DKK2: variants seen among roughly 807,000 people sequenced by gnomAD.
DKK2 encodes the protein dickkopf Wnt signaling pathway inhibitor 2.
In DKK2, 11 loss-of-function variants were observed where a neutral mutation model predicts 28.1. The observed-to-expected ratio is 0.39, with a 90% CI of 0.25 to 0.65. The LOEUF (loss-of-function observed/expected upper bound fraction) is 0.65, where lower values mean the gene tolerates loss of function less well. DKK2 is among the 30% of genes least tolerant of loss of function. The pLI, the probability that DKK2 is intolerant of heterozygous loss-of-function variation, is 0.47. For synonymous variants in DKK2, 135 were observed against 126.5 expected, an observed-to-expected ratio of 1.07 and a Z score of -0.45; for missense variants, 326 against 335.5, an observed-to-expected ratio of 0.97 and a Z score of 0.22.
In DKK2 at chr4:106,972,196, C is replaced by T. The variant is rs77291355; in HGVS notation, c.223-46247G>A. On this transcript the variant is annotated intron_variant, in intron 1 of 3. Coordinates refer to ENST00000285311, the MANE Select transcript of DKK2 (RefSeq NM_014421.3). ...TAGAGAATTATGTGCCATCTACCCC[C>T]GCCTCACCACTTCTCCTCCCCACCC... 2.7e-3 allele frequency among the ~76,000 whole-genome samples: 413 copies of T among 151,988 alleles called. 4 individuals carry two copies. Among genetic ancestry groups the T allele is most frequent in the African/African-American group, 9.6e-3 (399 of 41,498 alleles).
chr4:106,932,552 G>C (rs370376565), intron 1 of DKK2, among the ~76,000 whole-genome samples: 111 of 152,198 alleles, frequency 7.3e-4, no homozygotes, highest in Middle Eastern at 6.8e-3. Flanking sequence ...TCTAAACTAC[G>C]AGGTTTACCT....
At chr4:107,006,478 A>G (rs763001661) in intron 1 of DKK2, among the ~76,000 whole-genome samples, 9 of 152,254 alleles carry the variant, frequency 5.9e-5, no homozygotes, top group Non-Finnish European at 1.2e-4. Flanking sequence ...TCAGAAAACA[A>G]TCTTTTAGTA....
intron 1 of DKK2, among the ~76,000 whole-genome samples, chr4:106,957,455 T>A (rs967838752): frequency 5.9e-5 from 9 of 151,986 alleles, no homozygotes; most frequent in African/African-American, 2.2e-4. Context: ...CAGGCACACG[T>A]ATGTTTATTG....
chr4:106,936,014 G>GA (rs942941408), intron 1 of DKK2, among the ~76,000 whole-genome samples: 1 of 151,954 alleles, frequency 6.6e-6, no homozygotes, highest in Non-Finnish European at 1.5e-5. Flanking sequence ...CAAAGATGGG[G>GA]AAAAAACAGA....
chr4:106,996,668 G>A (rs1308330832), intron 1 of DKK2, among the ~76,000 whole-genome samples: 1 of 152,106 alleles, frequency 6.6e-6, no homozygotes, highest in Admixed American at 6.5e-5. Flanking sequence ...GCAGGATGAG[G>A]AAAAACAGCT....
chr4:106,993,134 CATAAA>C (rs936394169), intron 1 of DKK2, among the ~76,000 whole-genome samples: 4 of 152,230 alleles, frequency 2.6e-5, no homozygotes, highest in Admixed American at 6.5e-5. Flanking sequence ...AATTAAACAG[CATAAA>C]ATAACTGTTC....
intron 1 of DKK2, among the ~76,000 whole-genome samples, chr4:106,968,013 T>C (rs189551224): frequency 5.7e-4 from 70 of 123,836 alleles, no homozygotes; most frequent in Non-Finnish European, 9.1e-4. Flanking sequence ...GATGGAGAGA[T>C]GAAGGCAGGA....
chr4:106,998,700 T>C (rs1045702164), intron 1 of DKK2, among the ~76,000 whole-genome samples: 3 of 152,312 alleles, frequency 2.0e-5, no homozygotes, highest in Middle Eastern at 3.4e-3. Context: ...TGAATAGCTA[T>C]AGTTATTCAG....
At chr4:107,014,672 A>G (rs1723566187) in intron 1 of DKK2, among the ~76,000 whole-genome samples, 1 of 151,670 alleles carries the variant, frequency 6.6e-6, no homozygotes, top group Non-Finnish European at 1.5e-5. Flanking sequence ...ATAAATGATA[A>G]AAGTTTGAGG....
intron 1 of DKK2, among the ~76,000 whole-genome samples, chr4:106,942,816 T>C (rs1724720831): frequency 1.3e-5 from 2 of 152,128 alleles, no homozygotes; most frequent in South Asian, 4.1e-4. Flanking sequence ...TCTGGAACTA[T>C]GTTTAGTACG....
chr4:106,966,562 G>A (rs962639874), intron 1 of DKK2, among the ~76,000 whole-genome samples: 5 of 152,112 alleles, frequency 3.3e-5, no homozygotes, highest in African/African-American at 4.8e-5. Context: ...ATTTGAAACA[G>A]CATGTTATAA....
chr4:107,034,407 C>T (rs1332070994), intron 1 of DKK2, among the ~76,000 whole-genome samples: 1 of 152,180 alleles, frequency 6.6e-6, no homozygotes, highest in Non-Finnish European at 1.5e-5. Context: ...TGTCATGATT[C>T]CCAGTGCCCA....
chr4:106,935,124 G>C (rs956194724), intron 1 of DKK2, among the ~76,000 whole-genome samples: 3 of 152,158 alleles, frequency 2.0e-5, no homozygotes. Flanking sequence ...CAAGATGGCC[G>C]AATAGGAACA....
intron 1 of DKK2, among the ~76,000 whole-genome samples, chr4:106,989,658 CTTGT>C (rs1429101274): frequency 6.6e-6 from 1 of 152,116 alleles, no homozygotes; most frequent in Non-Finnish European, 1.5e-5. Flanking sequence ...CCAAAGGAAG[CTTGT>C]TTCTTTTCTC....
intron 1 of DKK2, among the ~76,000 whole-genome samples, chr4:107,033,153 C>A (rs1008666837): frequency 6.6e-6 from 1 of 152,126 alleles, no homozygotes; most frequent in Non-Finnish European, 1.5e-5. Context: ...GCTATTCAAC[C>A]CAGTATTTTA....
intron 1 of DKK2, among the ~76,000 whole-genome samples, chr4:107,003,206 T>C (rs916006793): frequency 1.8e-4 from 27 of 152,172 alleles, no homozygotes; most frequent in African/African-American, 6.0e-4. Context: ...TAATTTCACA[T>C]AGCATCCTCC....
At chr4:106,938,347 G>T (rs1485956844) in intron 1 of DKK2, among the ~76,000 whole-genome samples, 3 of 151,968 alleles carry the variant, frequency 2.0e-5, no homozygotes, top group African/African-American at 7.3e-5. Context: ...ACACCTCTGC[G>T]CAAATAAACT....
chr4:106,929,873 AAATT>A (rs1315402014), intron 1 of DKK2, among the ~76,000 whole-genome samples: 2 of 152,198 alleles, frequency 1.3e-5, no homozygotes, highest in Admixed American at 6.5e-5. Flanking sequence ...AGTGGCAGGG[AAATT>A]AGAGACCTTG....
intron 1 of DKK2, among the ~76,000 whole-genome samples, chr4:107,029,516 A>C (rs888730603): frequency 2.0e-5 from 3 of 152,182 alleles, no homozygotes; most frequent in Admixed American, 2.0e-4. Context: ...TAGAGTGAAT[A>C]ATCAATTAAT....
Sources: allele counts gnomAD v4.1 joint callset (sites outside exome capture counted in the v4.1 genomes callset), GRCh38; gene constraint gnomAD v4.1.1; transcripts MANE v1.5; gene names NCBI Gene and HGNC (gene_info 2026-07-23, HGNC 2026-07-21).